Variants in CLSPN observed in about 807,000 individuals in gnomAD.
CLSPN encodes the protein claspin homolog.
Under a neutral mutation model 156.3 loss-of-function variants are expected in CLSPN, and 85 were observed. That is an observed-to-expected ratio of 0.54 (90% CI 0.46 to 0.65). CLSPN has a LOEUF of 0.65. Ranked by LOEUF, CLSPN falls within the 30% of genes least tolerant of loss-of-function variation. The pLI is 0.00. For missense variants in CLSPN, 1,407 were observed against 1,554.9 expected (o/e 0.90, Z 1.60); for synonymous variants, 534 against 542.4 (o/e 0.98, Z 0.22).
At chr1:35,738,831 C>T (rs959533622) in intron 20 of CLSPN, among the ~76,000 whole-genome samples, 2 of 143,696 alleles carry the variant, frequency 1.4e-5, no homozygotes, top group African/African-American at 5.2e-5. Flanking sequence ...GATGGAGTCT[C>T]GCTCTGTCGC....
At chr1:35,749,403 T>A in intron 12 of CLSPN, 64 bp downstream of exon 12, 3 of 1,481,678 alleles carry the variant, frequency 2.0e-6, no homozygotes, top group Non-Finnish European at 2.8e-6. Flanking sequence ...CGTACTGCAG[T>A]CCTTAAATAT....
At chr1:35,767,683 C>A (rs1166194570) in intron 1 of CLSPN, among the ~76,000 whole-genome samples, 3 of 152,088 alleles carry the variant, frequency 2.0e-5, no homozygotes, top group Non-Finnish European at 4.4e-5. Flanking sequence ...AGACTTGGGT[C>A]CCTCCCCCAA....
intron 1 of CLSPN, among the ~76,000 whole-genome samples, chr1:35,768,411 AT>A (rs150239685): frequency 0.13 from 19,680 of 145,904 alleles, 2,366 homozygotes; most frequent in African/African-American, 0.33. Flanking sequence ...CAAGGTACAA[AT>A]TTTTTTTTTT....
Position 35,725,315 on chromosome 1 carries a change from T to C in CLSPN, c.3910-4335A>G, listed in dbSNP as rs564382457. ...GAAGAATGAAAGGTAATATAAATTCTTTCTCTCCAGTGCACTCAAGCGGTC... is the reference window on the plus strand; with the variant it reads ...GAAGAATGAAAGGTAATATAAATTCCTTCTCTCCAGTGCACTCAAGCGGTC... On this transcript the variant is annotated intron_variant, in intron 24 of 24. Coordinates refer to the CLSPN transcript ENST00000251195. 2.0e-4 allele frequency among the ~76,000 whole-genome samples: 30 copies of C among 152,250 alleles called. No individual in the cohort carries two copies. The East Asian group carries it at 5.0e-3, about 25-fold the overall frequency.
At chr1:35,738,668 T>A (rs891563682) in intron 20 of CLSPN, 86 bp from the exon 21 acceptor site, 5 of 1,330,112 alleles carry the variant, frequency 3.8e-6, no homozygotes, top group African/African-American at 1.5e-5. Flanking sequence ...CCTTATCATT[T>A]ACTATATAAT....
Position 35,737,415 on chromosome 1 carries a change from C to A in CLSPN, c.3671G>T (p.Arg1224Leu). Reference protein sequence around the residue: ...TAKALQKNASRPMVIQESKSL... With the variant: ...TAKALQKNASLPMVIQESKSL... Reference sequence around the variant, plus strand: ...CTTTGATTCCTGAATAACCATAGGGCGACTGGCTGGAAAGAAAAGACAGAG... The same window carrying A: ...CTTTGATTCCTGAATAACCATAGGGAGACTGGCTGGAAAGAAAAGACAGAG... Residue 1224 changes from arginine to leucine, a missense_variant, in exon 23 of 25, where the codon CGC becomes CTC. Arg to Leu is a moderately radical substitution (Grantham distance 102, BLOSUM62 -2). Around this residue, in one of 3 missense-constraint regions of CLSPN, gnomAD observed 241 missense variants for 240.5 expected, o/e 1.00. Transcript: ENST00000318121. 6.2e-7 allele frequency: 1 copy of A among 1,612,886 alleles called. No homozygotes were observed. The highest frequency in any genetic ancestry group is 8.5e-7 in the Non-Finnish European group (1 of 1,179,150).
At chr1:35,754,651 G>C (rs1186941460) in intron 8 of CLSPN, among the ~76,000 whole-genome samples, 2 of 152,052 alleles carry the variant, frequency 1.3e-5, no homozygotes, top group Non-Finnish European at 2.9e-5. Context: ...TTCATTATTG[G>C]CAATCTTACT....
chr1:35,767,658 C>T (rs986701720), intron 1 of CLSPN, among the ~76,000 whole-genome samples: 5 of 152,168 alleles, frequency 3.3e-5, no homozygotes, highest in African/African-American at 1.2e-4. Context: ...TGAAATATAA[C>T]TGAATTTCAT....
chr1:35,752,229 T>C (rs969485790), intron 9 of CLSPN, among the ~76,000 whole-genome samples: 4 of 151,594 alleles, frequency 2.6e-5, no homozygotes, highest in Non-Finnish European at 5.9e-5. Flanking sequence ...TCAATACGAG[T>C]ATGGTTTAAT....
intron 1 of CLSPN, among the ~76,000 whole-genome samples, chr1:35,765,973 G>A (rs1642656255): frequency 7.6e-6 from 1 of 131,038 alleles, no homozygotes; most frequent in Non-Finnish European, 1.6e-5. Flanking sequence ...CAAACTGGGT[G>A]GTTTCTTTCT....
chr1:35,767,562 G>A (rs1642716863), intron 1 of CLSPN, among the ~76,000 whole-genome samples: 1 of 152,154 alleles, frequency 6.6e-6, no homozygotes, highest in Admixed American at 6.5e-5. Context: ...CATATGATGA[G>A]CTGCAGTAAA....
chr1:35,741,331 G>A (rs1267123992), intron 18 of CLSPN, among the ~76,000 whole-genome samples: 1 of 151,906 alleles, frequency 6.6e-6, no homozygotes, highest in Non-Finnish European at 1.5e-5. Flanking sequence ...TTTTGCGGGG[G>A]TCGGGGAGAA....
rs1019032615 is a variant in CLSPN, at chr1:35,733,571, C to G, written c.*2925G>C. On this transcript the variant is annotated 3_prime_UTR_variant, in exon 25 of 25. Coordinates refer to ENST00000318121, the MANE Select transcript of CLSPN (RefSeq NM_022111.4). ...TCAGTTCTCTTTTGCCCAGCAAGGG[C>G]TACTTTGCCTTGGGAACTGTTTAGA... 4 of 985,294 alleles carry G rather than the reference C, an allele frequency of 4.1e-6. No individual in the cohort carries two copies. In the African/African-American group the frequency reaches 7.0e-5, roughly 17 times the overall value. 61.0% of individuals were successfully genotyped at this position (985,294 alleles called of 1,614,324 possible). A position where few individuals can be genotyped will look rare whatever the true frequency, so the allele number is the denominator to read the frequency against.
intron 24 of CLSPN, among the ~76,000 whole-genome samples, chr1:35,724,106 ATTT>A (rs140321342): frequency 6.6e-6 from 1 of 152,040 alleles, no homozygotes; most frequent in African/African-American, 2.4e-5. Flanking sequence ...CACAGAGGTG[ATTT>A]TTTTTATTTT....
chr1:35,755,277 T>C (rs1642234942), intron 8 of CLSPN, among the ~76,000 whole-genome samples: 1 of 151,510 alleles, frequency 6.6e-6, no homozygotes, highest in East Asian at 1.9e-4. Flanking sequence ...TTTTTTTTTT[T>C]TTTTTTTGAG....
At chr1:35,727,101 T>A (rs779152232) in intron 24 of CLSPN, among the ~76,000 whole-genome samples, 3 of 152,184 alleles carry the variant, frequency 2.0e-5, no homozygotes, top group Non-Finnish European at 4.4e-5. Context: ...CCGTTCTTTG[T>A]TGTTCTAAAG....
chr1:35,764,789 AT>A, intron 2 of CLSPN, 75 bp from the exon 3 acceptor site: 2 of 914,272 alleles, frequency 2.2e-6, no homozygotes, highest in Non-Finnish European at 3.2e-6. Context: ...TCAAAAATAT[AT>A]TTTTATACAA....
At chr1:35,758,323 C>A (rs577552532) in intron 8 of CLSPN, among the ~76,000 whole-genome samples, 1 of 152,002 alleles carries the variant, frequency 6.6e-6, no homozygotes, top group Non-Finnish European at 1.5e-5. Flanking sequence ...GAATTACAGG[C>A]ATAAGCCACT....
At position 35,738,100 on chromosome 1, in the gene CLSPN, GA is replaced by G. The variant is rs367728453; in HGVS notation, c.3559-4del. 1.4e-3 allele frequency: 508 copies of G among 355,580 alleles called. No homozygotes were observed. Among genetic ancestry groups the G allele is most frequent in the Admixed American group, 8.4e-3 (81 of 9,680 alleles). The allele number at this position is 355,580 out of a possible 1,614,324, so 22.0% of individuals were successfully genotyped here. Reference sequence around the variant, plus strand: ...GCTGTAATTTTCCCCTGCTGTGCCTGAAAAAAAAAAAAAATATATATATATA... The same window carrying G: ...GCTGTAATTTTCCCCTGCTGTGCCTGAAAAAAAAAAAAATATATATATATA... On this transcript the variant is annotated splice_region_variant and splice_polypyrimidine_tract_variant and intron_variant, in intron 21 of 24. Transcript: ENST00000318121.
Sources: gnomAD v4.1 joint callset for allele counts (sites outside exome capture counted in the v4.1 genomes callset) on GRCh38, gnomAD v4.1.1 for gene constraint, gnomAD v4.1.1 regional missense constraint, MANE v1.5 for transcripts, NCBI Gene and HGNC (gene_info 2026-07-23, HGNC 2026-07-21) for gene names.